FMN1: variants seen among roughly 807,000 people sequenced by gnomAD.
FMN1 encodes formin 1.
FMN1 carries 110 observed loss-of-function variants against 132.4 expected under a neutral mutation model. The ratio of observed to expected loss-of-function variants is 0.83; its 90% CI spans 0.71 to 0.97. The LOEUF (loss-of-function observed/expected upper bound fraction) is 0.97. Ranked by LOEUF, FMN1 falls within the 50% of genes least tolerant of loss-of-function variation. FMN1 has a pLI of 0.00. For missense variants in FMN1, 1,792 were observed against 1,705.3 expected, an observed-to-expected ratio of 1.05 and a Z score of -0.90; for synonymous variants, 722 against 651.7, an observed-to-expected ratio of 1.11 and a Z score of -1.64.
chr15:33,018,368 A>G (rs2035196002), intron 6 of FMN1, among the ~76,000 whole-genome samples: 1 of 152,088 alleles, frequency 6.6e-6, no homozygotes, highest in Non-Finnish European at 1.5e-5. Flanking sequence ...ACATGATTAG[A>G]GGGTTGGGAC....
At chr15:33,141,708 T>G (rs558037238) in intron 4 of FMN1, among the ~76,000 whole-genome samples, 61 of 152,316 alleles carry the variant, frequency 4.0e-4, no homozygotes, top group Admixed American at 9.1e-4. Flanking sequence ...TGGTCAGGCC[T>G]GCGCTTGAGA....
chr15:33,074,624 G>A (rs1213154574), intron 5 of FMN1, among the ~76,000 whole-genome samples: 1 of 152,208 alleles, frequency 6.6e-6, no homozygotes, highest in African/African-American at 2.4e-5. Flanking sequence ...AAGGAAAGGA[G>A]AAAGGCTGGG....
chr15:32,821,881 G>A (rs1232857369), intron 17 of FMN1, among the ~76,000 whole-genome samples: 8 of 151,866 alleles, frequency 5.3e-5, no homozygotes, highest in East Asian at 1.9e-4. Context: ...TAAATTCTAC[G>A]GTCACATCCA....
intron 17 of FMN1, among the ~76,000 whole-genome samples, chr15:32,854,203 C>G (rs2059073306): frequency 6.6e-6 from 1 of 152,020 alleles, no homozygotes; most frequent in South Asian, 2.1e-4. Context: ...CATGTTTTTT[C>G]TGCTGAGTTT....
intron 3 of FMN1, among the ~76,000 whole-genome samples, chr15:33,175,616 C>A (rs1965488584): frequency 6.6e-6 from 1 of 152,170 alleles, no homozygotes; most frequent in African/African-American, 2.4e-5. Context: ...AAGCTTAGAA[C>A]ACTTTACACA....
At chr15:32,856,916 G>T in intron 17 of FMN1, 99 bp downstream of exon 17, 1 of 807,794 alleles carries the variant, frequency 1.2e-6, no homozygotes, top group Non-Finnish European at 2.1e-6. Context: ...GCTGCCTGTG[G>T]TCAGCCAGGA....
chr15:32,958,546 A>C (rs1172277344), intron 9 of FMN1, among the ~76,000 whole-genome samples: 1 of 143,948 alleles, frequency 6.9e-6, no homozygotes, highest in Non-Finnish European at 1.5e-5. Flanking sequence ...TAGTTTGAGA[A>C]GATATACATA....
intron 4 of FMN1, among the ~76,000 whole-genome samples, chr15:33,100,281 T>C (rs763717949): frequency 4.8e-5 from 7 of 145,976 alleles, no homozygotes; most frequent in Non-Finnish European, 9.0e-5. Flanking sequence ...AAAAATAATA[T>C]AGTATATGAA....
chr15:33,178,769 CTAT>C (rs1166581594), intron 3 of FMN1, among the ~76,000 whole-genome samples: 3 of 152,222 alleles, frequency 2.0e-5, no homozygotes, highest in Non-Finnish European at 4.4e-5. Context: ...GTAATTGCTA[CTAT>C]TATGTGCTTC....
intron 4 of FMN1, among the ~76,000 whole-genome samples, chr15:33,144,673 A>C (rs1447168970): frequency 6.6e-6 from 1 of 151,164 alleles, no homozygotes; most frequent in Non-Finnish European, 1.5e-5. Context: ...TCCAATATTA[A>C]CCTACACAAA....
chr15:33,076,262 A>G (rs2038204503), intron 5 of FMN1, among the ~76,000 whole-genome samples: 1 of 152,230 alleles, frequency 6.6e-6, no homozygotes, highest in South Asian at 2.1e-4. Context: ...CTATGGTGAA[A>G]GCATTTCATT....
chr15:33,180,318 G>T (rs1965652041), intron 2 of FMN1, 56 bp from the exon 3 acceptor site: 1 of 152,056 alleles, frequency 6.6e-6, no homozygotes, highest in South Asian at 2.1e-4. Flanking sequence ...TGCACATTAG[G>T]TGTGTATGTG....
At chr15:33,084,344 T>C (rs2141339948) in intron 5 of FMN1, among the ~76,000 whole-genome samples, 1 of 152,252 alleles carries the variant, frequency 6.6e-6, no homozygotes, top group Non-Finnish European at 1.5e-5. Flanking sequence ...TCCTAGCAAA[T>C]TACTGAACCC....
In FMN1 at chr15:33,110,060, T is replaced by C. The variant is rs73378570; in HGVS notation, c.1868-21086A>G. On this transcript the variant is annotated intron_variant, in intron 4 of 20. Transcript: ENST00000616417. The stretch of plus-strand genomic sequence containing the variant: ...AGGCAAAAAGTATATTGAATAAAAT[T>C]TGGAGAAACAATTTGGTAATAAATA... Among the ~76,000 whole-genome samples, 511 of 152,148 alleles carry C rather than the reference T, an allele frequency of 3.4e-3. 2 individuals carry two copies. Among genetic ancestry groups the C allele is most frequent in the African/African-American group, 0.012 (493 of 41,550 alleles).
chr15:32,930,146 C>A (rs1418100546), intron 9 of FMN1, among the ~76,000 whole-genome samples: 1 of 151,696 alleles, frequency 6.6e-6, no homozygotes, highest in Non-Finnish European at 1.5e-5. Flanking sequence ...CCTGCCACCA[C>A]GCCCGGCTAA....
intron 5 of FMN1, among the ~76,000 whole-genome samples, chr15:33,080,040 G>T (rs1387741510): frequency 1.3e-5 from 2 of 152,124 alleles, no homozygotes; most frequent in Non-Finnish European, 2.9e-5. Flanking sequence ...ATACACAAAT[G>T]AACACCCTCC....
At chr15:32,786,305 G>C (rs950609995) in intron 19 of FMN1, among the ~76,000 whole-genome samples, 1 of 152,130 alleles carries the variant, frequency 6.6e-6, no homozygotes, top group Non-Finnish European at 1.5e-5. Flanking sequence ...CTTTGGAATG[G>C]TGAATAAGGT....
At chr15:33,108,575 A>C (rs2039575584) in intron 4 of FMN1, among the ~76,000 whole-genome samples, 2 of 152,092 alleles carry the variant, frequency 1.3e-5, no homozygotes, top group Admixed American at 6.6e-5. Context: ...AAAAAGAAGA[A>C]AGTTAAAGGA....
At chr15:32,894,182 A>C (rs575205301) in intron 15 of FMN1, among the ~76,000 whole-genome samples, 4 of 152,280 alleles carry the variant, frequency 2.6e-5, no homozygotes, top group Non-Finnish European at 5.9e-5. Flanking sequence ...CCTGTATTAC[A>C]GGCAGTAAAA....
Sources: allele counts gnomAD v4.1 joint callset (sites outside exome capture counted in the v4.1 genomes callset), GRCh38; gene constraint gnomAD v4.1.1; transcripts MANE v1.5; gene names NCBI Gene and HGNC (gene_info 2026-07-23, HGNC 2026-07-21).